ELMO1: variants seen among roughly 807,000 people sequenced by gnomAD.
The protein encoded by ELMO1 is engulfment and cell motility 1, also known as engulfment and cell motility protein 1.
ELMO1 carries 26 observed loss-of-function variants against 98.9 expected under a neutral mutation model. That is an observed-to-expected ratio of 0.26 (90% confidence interval 0.19 to 0.36). The LOEUF is 0.36. ELMO1 is among the 10% of genes least tolerant of loss of function. The probability of loss-of-function intolerance (pLI) is 1.00; values close to 1 mark genes in which losing one functional copy is unlikely to be tolerated. For synonymous variants in ELMO1, 346 were observed against 346.0 expected (o/e 1.00, Z 0.00); for missense variants, 627 against 935.2 (o/e 0.67, Z 4.30).
At chr7:37,155,545 T>G (rs1442344026) in intron 13 of ELMO1, among the ~76,000 whole-genome samples, 7 of 145,846 alleles carry the variant, frequency 4.8e-5, no homozygotes, top group African/African-American at 1.6e-4. Flanking sequence ...TAAAACAGAC[T>G]TTAAACCAAC....
chr7:37,303,167 G>A (rs917684728), intron 4 of ELMO1, among the ~76,000 whole-genome samples: 3 of 152,162 alleles, frequency 2.0e-5, no homozygotes, highest in East Asian at 1.9e-4. Context: ...TGGGATAACC[G>A]AAGTAAAGGA....
chr7:36,878,028 C>T lies in ELMO1; in HGVS notation c.1804G>A (p.Asp602Asn), dbSNP rs774208030. ...EESPQGEVPH[D>N]SLQDKLPVAD... ...TACTTACGTTTGTCCTGCAAGGAAT[C>T]GTGGGGCACTTCTCCCTGAGGACTC... Residue 602 changes from aspartate (D) to asparagine (N), a missense_variant, in exon 19 of 22, where the codon GAT (aspartate) becomes AAT (asparagine). Coordinates refer to ENST00000310758, the MANE Select transcript of ELMO1 (RefSeq NM_014800.11). 6.2e-6 allele frequency: 10 copies of T among 1,613,778 alleles called. No individual in the cohort carries two copies. Among genetic ancestry groups the T allele is most frequent in the South Asian group, 2.2e-5 (2 of 91,040 alleles).
intron 18 of ELMO1, among the ~76,000 whole-genome samples, chr7:36,884,905 T>C (rs1395167801): frequency 6.6e-6 from 1 of 152,242 alleles, no homozygotes; most frequent in Non-Finnish European, 1.5e-5. Flanking sequence ...ACTGGGAGTG[T>C]CTGCTCTTTA....
At chr7:37,253,344 T>C (rs1795460686) in intron 6 of ELMO1, among the ~76,000 whole-genome samples, 1 of 152,142 alleles carries the variant, frequency 6.6e-6, no homozygotes, top group Non-Finnish European at 1.5e-5. Context: ...CCATCAATGA[T>C]AGACTGGATA....
intron 13 of ELMO1, among the ~76,000 whole-genome samples, chr7:37,190,848 T>C (rs1791521029): frequency 3.3e-5 from 5 of 152,064 alleles, no homozygotes; most frequent in Admixed American, 2.0e-4. Context: ...CAAAAACCTA[T>C]ATGATCACAT....
intron 2 of ELMO1, among the ~76,000 whole-genome samples, chr7:37,326,545 A>G (rs965878933): frequency 7.6e-6 from 1 of 131,290 alleles, no homozygotes; most frequent in Non-Finnish European, 1.6e-5. Flanking sequence ...ACAGAGCAAG[A>G]CTCCATCTCA....
intron 16 of ELMO1, among the ~76,000 whole-genome samples, chr7:36,998,647 C>T (rs1792401320): frequency 6.6e-6 from 1 of 152,056 alleles, no homozygotes; most frequent in African/African-American, 2.4e-5. Context: ...GGGTCAAGGG[C>T]TACAAAGGTG....
intron 4 of ELMO1, among the ~76,000 whole-genome samples, chr7:37,302,215 G>A (rs1798387026): frequency 6.6e-6 from 1 of 152,076 alleles, no homozygotes; most frequent in Non-Finnish European, 1.5e-5. Flanking sequence ...CTATTCACAG[G>A]TACAATCACA....
rs542427692 is a variant in ELMO1 at position 37,127,859 on chromosome 7, T to G, written c.1191+5271A>C. Among the ~76,000 whole-genome samples, 7 of 152,058 alleles carry G rather than the reference T, an allele frequency of 4.6e-5. No homozygotes were observed. In the South Asian group the frequency reaches 1.5e-3, roughly 32 times the overall value. On this transcript the variant is annotated intron_variant, in intron 14 of 21. Coordinates refer to ENST00000310758, the MANE Select transcript of ELMO1 (RefSeq NM_014800.11). ...CCAAGCTAAAACCAGGTAATTTGGG[T>G]TTTTCAGTAGTTCCCAGTGAATAAA... is the stretch of plus-strand genomic sequence containing the variant.
chr7:37,018,128 A>ATTTTT (rs34247625), intron 15 of ELMO1, among the ~76,000 whole-genome samples: 154 of 144,944 alleles, frequency 1.1e-3, no homozygotes, highest in African/African-American at 3.7e-3. Context: ...ATTAGTTACT[A>ATTTTT]TTTTTTTTTT....
At chr7:37,171,834 A>G (rs1458530919) in intron 13 of ELMO1, among the ~76,000 whole-genome samples, 2 of 152,038 alleles carry the variant, frequency 1.3e-5, no homozygotes, top group African/African-American at 4.8e-5. Context: ...GGAAGCAATA[A>G]AGGATCTAGC....
chr7:37,017,959 G>C (rs1431956859), intron 15 of ELMO1, among the ~76,000 whole-genome samples: 1 of 152,066 alleles, frequency 6.6e-6, no homozygotes, highest in African/African-American at 2.4e-5. Flanking sequence ...ATGCCCCCTA[G>C]CGTGCCATAG....
At chr7:37,337,983 A>T (rs182405507) in intron 2 of ELMO1, among the ~76,000 whole-genome samples, 4 of 152,310 alleles carry the variant, frequency 2.6e-5, no homozygotes, top group Middle Eastern at 3.4e-3. Context: ...CTTGTCTTTT[A>T]ATTTTTTCTC....
intron 13 of ELMO1, among the ~76,000 whole-genome samples, chr7:37,204,538 C>A (rs529654801): frequency 2.6e-5 from 4 of 152,304 alleles, no homozygotes; most frequent in African/African-American, 7.2e-5. Flanking sequence ...AGATTTATTG[C>A]AAAGAGCAAA....
rs761966152 is a variant in ELMO1, at chr7:37,013,373, A to G, written c.1363T>C (p.Phe455Leu). 6.2e-7 allele frequency: 1 copy of G among 1,613,902 alleles called. No homozygotes were observed. Among genetic ancestry groups the G allele is most frequent in the South Asian group, 1.1e-5 (1 of 91,062 alleles). The change falls in exon 16 of 22, where the codon TTT (phenylalanine) becomes CTT (leucine). Residue 455 changes from phenylalanine (F) to leucine (L), a missense_variant. Around this residue, in one of 3 missense-constraint regions of ELMO1, gnomAD observed 492 missense variants for 715.6 expected, o/e 0.69. Transcript: ENST00000310758. ...AGGAGCTGGATACAGATGCAGAAAA[A>G]CTCCTCAAAGGATCTGTCGTGGGTG... ...FFTHDRSFEE[F>L]FCICIQLLNK...
intron 2 of ELMO1, among the ~76,000 whole-genome samples, chr7:37,332,398 C>T (rs556073478): frequency 5.1e-4 from 77 of 152,234 alleles, no homozygotes; most frequent in Non-Finnish European, 9.8e-4. Context: ...GCGCTGGGGA[C>T]ATACTTGGCC....
At chr7:37,082,369 T>C (rs1797910141) in intron 15 of ELMO1, among the ~76,000 whole-genome samples, 1 of 152,088 alleles carries the variant, frequency 6.6e-6, no homozygotes, top group Non-Finnish European at 1.5e-5. Context: ...AAGATTCTGA[T>C]GGTTGATATT....
chr7:37,029,142 T>G (rs1794743170), intron 15 of ELMO1, among the ~76,000 whole-genome samples: 1 of 152,156 alleles, frequency 6.6e-6, no homozygotes, highest in Non-Finnish European at 1.5e-5. Context: ...GTTGTGATCT[T>G]AACCAGATCT....
chr7:36,987,425 G>C (rs574046637), intron 16 of ELMO1, among the ~76,000 whole-genome samples: 12 of 152,192 alleles, frequency 7.9e-5, no homozygotes, highest in Non-Finnish European at 1.3e-4. Flanking sequence ...ATGGAAAATG[G>C]TAAGTGTCAC....
Sources: gnomAD v4.1 joint callset for allele counts (sites outside exome capture counted in the v4.1 genomes callset) on GRCh38, gnomAD v4.1.1 for gene constraint, gnomAD v4.1.1 regional missense constraint, MANE v1.5 for transcripts, NCBI Gene and HGNC (gene_info 2026-07-23, HGNC 2026-07-21) for gene names.